SGCD: variants seen among roughly 807,000 people sequenced by gnomAD.
SGCD encodes sarcoglycan delta.
Under a neutral mutation model 36.6 loss-of-function variants are expected in SGCD, and 18 were observed. That is an observed-to-expected ratio of 0.49 (90% CI 0.34 to 0.73). The LOEUF (loss-of-function observed/expected upper bound fraction) is 0.73. Among genes scored for constraint, SGCD ranks in the 30% least tolerant of loss-of-function variants. SGCD has a pLI of 0.01. For synonymous variants in SGCD, 133 were observed against 130.6 expected (o/e 1.02, Z -0.12); for missense variants, 387 against 346.7 (o/e 1.12, Z -0.92).
intron 7 of SGCD, among the ~76,000 whole-genome samples, chr5:156,723,777 C>T (rs1479973239): frequency 6.6e-6 from 1 of 151,986 alleles, no homozygotes; most frequent in East Asian, 1.9e-4. Flanking sequence ...CAACGCAGGG[C>T]TTGTGGGCCA....
intron 1 of SGCD, among the ~76,000 whole-genome samples, chr5:155,942,066 A>G (rs1392204915): frequency 2.6e-5 from 4 of 152,174 alleles, no homozygotes; most frequent in Admixed American, 1.3e-4. Context: ...GGTAACTCCT[A>G]TTGGAGCAGC....
intron 7 of SGCD, among the ~76,000 whole-genome samples, chr5:156,707,235 A>G (rs1252755774): frequency 6.6e-6 from 1 of 152,180 alleles, no homozygotes; most frequent in African/African-American, 2.4e-5. Flanking sequence ...CTGTCTGTAT[A>G]CCAGGGTGGC....
At chr5:156,122,588 G>C (rs1191289414) in intron 2 of SGCD, among the ~76,000 whole-genome samples, 2 of 151,860 alleles carry the variant, frequency 1.3e-5, no homozygotes, top group Non-Finnish European at 2.9e-5. Flanking sequence ...GGCTAGAGAG[G>C]AATAAATGAG....
At chr5:155,934,418 CT>C (rs1469648479) in intron 1 of SGCD, among the ~76,000 whole-genome samples, 4 of 152,154 alleles carry the variant, frequency 2.6e-5, no homozygotes, top group African/African-American at 4.8e-5. Context: ...CAAGAGTTCC[CT>C]CAAATCAATA....
chr5:155,870,413 A>G (rs1755607771), exon 1 of SGCD: 1 of 152,222 alleles, frequency 6.6e-6, no homozygotes, highest in African/African-American at 2.4e-5. Context: ...TTGAGCATCG[A>G]TGAATTAGCA....
chr5:156,660,130 TC>T (rs1393140028), intron 7 of SGCD, among the ~76,000 whole-genome samples: 1 of 150,702 alleles, frequency 6.6e-6, no homozygotes, highest in Non-Finnish European at 1.5e-5. Flanking sequence ...CTGAGTGACA[TC>T]CCGCTTACCA....
chr5:156,657,498 C>G (rs377482190), intron 7 of SGCD, among the ~76,000 whole-genome samples: 2 of 150,314 alleles, frequency 1.3e-5, no homozygotes, highest in Non-Finnish European at 3.0e-5. Flanking sequence ...TGGGGTGGCT[C>G]ATGCCTATGA....
chr5:156,584,224 G>T (rs1449110689), intron 4 of SGCD, among the ~76,000 whole-genome samples: 1 of 152,130 alleles, frequency 6.6e-6, no homozygotes. Flanking sequence ...AAATACACTT[G>T]TCTATGTTTT....
At chr5:155,834,457 T>C in the SGCD span, among the ~76,000 whole-genome samples, 1 of 152,168 alleles carries the variant, frequency 6.6e-6, no homozygotes, top group Non-Finnish European at 1.5e-5. Context: ...CATTTTGTGG[T>C]GGGCATAGGG....
intron 4 of SGCD, among the ~76,000 whole-genome samples, chr5:156,517,879 A>C (rs1278315362): frequency 6.6e-6 from 1 of 152,156 alleles, no homozygotes; most frequent in Non-Finnish European, 1.5e-5. Flanking sequence ...ACCAGCCACT[A>C]AAAAAACACA....
At chr5:156,563,538 C>T (rs1262682352) in intron 4 of SGCD, among the ~76,000 whole-genome samples, 1 of 152,210 alleles carries the variant, frequency 6.6e-6, no homozygotes, top group Non-Finnish European at 1.5e-5. Context: ...CTCTGCCTTT[C>T]CCTCTTTTTC....
intron 7 of SGCD, among the ~76,000 whole-genome samples, chr5:156,749,221 C>T (rs972982755): frequency 6.6e-5 from 10 of 151,864 alleles, no homozygotes; most frequent in Admixed American, 2.6e-4. Flanking sequence ...CTTCTATAAA[C>T]CTCATAGGCC....
At chr5:156,304,351 G>A (rs968767995) in intron 3 of SGCD, among the ~76,000 whole-genome samples, 17 of 152,152 alleles carry the variant, frequency 1.1e-4, no homozygotes, top group African/African-American at 4.1e-4. Flanking sequence ...TTCCCATGGT[G>A]TTCTTGTGAT....
At chr5:156,229,063 T>C (rs1050160686) in intron 3 of SGCD, among the ~76,000 whole-genome samples, 4 of 151,586 alleles carry the variant, frequency 2.6e-5, no homozygotes, top group African/African-American at 9.7e-5. Context: ...GCTTAGCCAC[T>C]CAGCCTACAT....
intron 6 of SGCD, among the ~76,000 whole-genome samples, chr5:156,621,519 T>TAA (rs11343685): frequency 6.2e-4 from 93 of 150,516 alleles, no homozygotes; most frequent in African/African-American, 2.2e-3. Context: ...GCATTTACGT[T>TAA]AAAAAAAAAA....
chr5:156,327,510 T>C (rs895108079), intron 1 of SGCD, among the ~76,000 whole-genome samples: 5 of 152,240 alleles, frequency 3.3e-5, no homozygotes, highest in Admixed American at 6.5e-5. Flanking sequence ...GAATTCCTTA[T>C]GTTGTCACCC....
At chr5:155,870,777 A>G (rs1217453907) in intron 1 of SGCD, among the ~76,000 whole-genome samples, 1 of 152,158 alleles carries the variant, frequency 6.6e-6, no homozygotes, top group Non-Finnish European at 1.5e-5. Context: ...AGACATGTGA[A>G]AACATCCTAC....
intron 4 of SGCD, among the ~76,000 whole-genome samples, chr5:156,540,840 G>A (rs1329150640): frequency 6.6e-6 from 1 of 152,144 alleles, no homozygotes; most frequent in Non-Finnish European, 1.5e-5. Flanking sequence ...GATGTATTGG[G>A]CATCCCCTGA....
intron 3 of SGCD, among the ~76,000 whole-genome samples, chr5:156,497,687 G>A (rs1417733986): frequency 1.3e-5 from 2 of 151,636 alleles, no homozygotes; most frequent in African/African-American, 4.8e-5. Flanking sequence ...ACCAATATAT[G>A]AGCTTTAGCA....
Sources: allele counts gnomAD v4.1 joint callset (sites outside exome capture counted in the v4.1 genomes callset), GRCh38; gene constraint gnomAD v4.1.1; transcripts MANE v1.5; gene names NCBI Gene and HGNC (gene_info 2026-07-23, HGNC 2026-07-21).